Variants in DMD observed in about 807,000 individuals in gnomAD.
DMD encodes mutant dystrophin.
DMD carries 63 observed loss-of-function variants against 330.1 expected under a neutral mutation model. The ratio of observed to expected loss-of-function variants is 0.19; its 90% CI spans 0.16 to 0.24. The LOEUF is 0.24. Ranked by LOEUF, DMD falls within the 10% of genes least tolerant of loss-of-function variation. The pLI is 1.00. For synonymous variants in DMD, 1,223 were observed against 959.8 expected, an observed-to-expected ratio of 1.27 and a Z score of -5.07; for missense variants, 3,344 against 2,684.1, an observed-to-expected ratio of 1.25 and a Z score of -5.43.
chrX:33,265,598 A>C lies in DMD; in HGVS notation c.7+73661T>G, dbSNP rs73623933. Among the ~76,000 whole-genome samples, 425 of 111,620 alleles carry C rather than the reference A, an allele frequency of 3.8e-3. 3 individuals carry two copies. Among genetic ancestry groups the C allele is most frequent in the African/African-American group, 0.013 (409 of 30,832 alleles). On this transcript the variant is annotated intron_variant, in intron 1 of 17. Transcript: ENST00000288447. ...GCATCAACAAACTATATTAAATTCCAATATCCCATTCTATGATTCAGTCTT... is the reference window on the plus strand; with the variant it reads ...GCATCAACAAACTATATTAAATTCCCATATCCCATTCTATGATTCAGTCTT...
chrX:32,779,429 TTAA>T (rs2074488639), intron 7 of DMD, among the ~76,000 whole-genome samples: 1 of 110,826 alleles, frequency 9.0e-6, no homozygotes, highest in African/African-American at 3.3e-5. Flanking sequence ...TTTAAAATGT[TTAA>T]TAAATCATCT....
chrX:31,448,805 G>A (rs1405386265), intron 59 of DMD, among the ~76,000 whole-genome samples: 1 of 111,894 alleles, frequency 8.9e-6, no homozygotes, highest in Non-Finnish European at 1.9e-5. Flanking sequence ...CTCACAGGCA[G>A]AATTTTCAGT....
chrX:32,203,906 T>C (rs1444668200), intron 44 of DMD, among the ~76,000 whole-genome samples: 1 of 111,835 alleles, frequency 8.9e-6, no homozygotes, highest in Non-Finnish European at 1.9e-5. Flanking sequence ...CTTCTTTTAA[T>C]ACACTATGGG....
chrX:33,173,411 C>G (rs910698143), intron 1 of DMD, among the ~76,000 whole-genome samples: 63 of 111,660 alleles, frequency 5.6e-4, no homozygotes, highest in African/African-American at 1.9e-3. Flanking sequence ...ATTTCCAAGT[C>G]TATGACTTGA....
At chrX:31,412,186 C>CAAAA (rs764012481) in intron 60 of DMD, among the ~76,000 whole-genome samples, 12 of 43,798 alleles carry the variant, frequency 2.7e-4, no homozygotes, top group African/African-American at 1.0e-3. Flanking sequence ...ACTCTTGTCT[C>CAAAA]AAAAAAAAAA....
intron 2 of DMD, among the ~76,000 whole-genome samples, chrX:32,943,452 G>A (rs972070436): frequency 9.0e-6 from 1 of 110,929 alleles, no homozygotes; most frequent in Non-Finnish European, 1.9e-5. Flanking sequence ...ATTACAGTCT[G>A]CTTTATTTTT....
At chrX:31,756,615 A>C (rs2089121484) in intron 51 of DMD, among the ~76,000 whole-genome samples, 1 of 112,704 alleles carries the variant, frequency 8.9e-6, no homozygotes, top group Admixed American at 9.4e-5. Flanking sequence ...AACAAGAAAA[A>C]CGCCAGTTAG....
Position 31,762,386 on chromosome X carries a change from T to C in DMD, c.7542+11574A>G, listed in dbSNP as rs187792386. Among the ~76,000 whole-genome samples the C allele has an allele frequency of 1.2e-3, 137 of 110,746 alleles. 1 individual carries two copies. Among genetic ancestry groups the C allele is most frequent in the African/African-American group, 4.3e-3 (130 of 30,440 alleles). ...GAGATCGAGACCATCCTGGCCAACA[T>C]GGTGAAACCCCGTCTCTACTAAAAA... On this transcript the variant is annotated intron_variant, in intron 51 of 78. Transcript: ENST00000357033.
chrX:31,291,754 G>C (rs1389663828), intron 62 of DMD, among the ~76,000 whole-genome samples: 1 of 111,161 alleles, frequency 9.0e-6, no homozygotes, highest in Non-Finnish European at 1.9e-5. Context: ...TTCCCTACTT[G>C]CCTTTATGAA....
intron 13 of DMD, among the ~76,000 whole-genome samples, chrX:32,592,058 G>A (rs984001079): frequency 8.9e-6 from 1 of 111,951 alleles, no homozygotes; most frequent in Non-Finnish European, 1.9e-5. Context: ...GACTGAGGAT[G>A]GTTCGGTGTG....
intron 48 of DMD, among the ~76,000 whole-genome samples, chrX:31,850,745 G>C (rs1334899597): frequency 1.8e-5 from 2 of 112,714 alleles, no homozygotes; most frequent in Non-Finnish European, 3.7e-5. Flanking sequence ...AGACACATGA[G>C]TGAGTAATAA....
chrX:32,550,618 G>A (rs1417778307), intron 16 of DMD, among the ~76,000 whole-genome samples: 1 of 110,011 alleles, frequency 9.1e-6, no homozygotes, highest in South Asian at 3.9e-4. Flanking sequence ...TAGAAGACAG[G>A]AAATAACCAA....
At chrX:32,731,508 C>A (rs1055735529) in intron 7 of DMD, among the ~76,000 whole-genome samples, 1 of 112,578 alleles carries the variant, frequency 8.9e-6, no homozygotes, top group Non-Finnish European at 1.9e-5. Context: ...ATTTAAATAT[C>A]CCTGTCTGAC....
intron 44 of DMD, among the ~76,000 whole-genome samples, chrX:32,131,066 T>C (rs1443778436): frequency 9.1e-6 from 1 of 110,401 alleles, no homozygotes; most frequent in Non-Finnish European, 1.9e-5. Flanking sequence ...ATGCCTGTAA[T>C]CCCAGCTACT....
chrX:31,919,191 C>G (rs2078412665), intron 47 of DMD, among the ~76,000 whole-genome samples: 1 of 111,694 alleles, frequency 9.0e-6, no homozygotes, highest in Admixed American at 9.5e-5. Context: ...ATAAAGCAAC[C>G]TCTAGGAGAT....
intron 57 of DMD, among the ~76,000 whole-genome samples, chrX:31,485,155 T>C (rs57007006): frequency 0.096 from 10,712 of 112,016 alleles, 414 homozygotes; most frequent in East Asian, 0.19. Context: ...CTGAAAGTAA[T>C]AGAGAAGAAC....
In DMD at chrX:32,698,093, C is replaced by T. The variant is rs1022938285; in HGVS notation, c.832-95G>A. On this transcript the variant is annotated intron_variant, in intron 8 of 78. Transcript: ENST00000357033. ...CTTTCCAACATGGTAGAAAACAGAACATTAAATGGAAATGGTGAGATTCAA... is the reference window on the plus strand; with the variant it reads ...CTTTCCAACATGGTAGAAAACAGAATATTAAATGGAAATGGTGAGATTCAA... The T allele has an allele frequency of 1.9e-5, 18 of 926,932 alleles. No homozygotes were observed. The Admixed American group carries it at 3.7e-4, about 19-fold the overall frequency. 76.4% of individuals were successfully genotyped at this position (926,932 alleles called of 1,213,427 possible).
intron 1 of DMD, among the ~76,000 whole-genome samples, chrX:33,150,735 T>C (rs2048248264): frequency 9.1e-6 from 1 of 109,471 alleles, no homozygotes; most frequent in African/African-American, 3.3e-5. Flanking sequence ...TCAGTGCAAC[T>C]CATCATAACA....
chrX:32,794,671 C>T, intron 7 of DMD, among the ~76,000 whole-genome samples: 1 of 112,012 alleles, frequency 8.9e-6, no homozygotes, highest in Admixed American at 9.4e-5. Context: ...ACTGGAGGTC[C>T]TAGCCAGAGC....
Sources: gnomAD v4.1 joint callset for allele counts (sites outside exome capture counted in the v4.1 genomes callset) on GRCh38, gnomAD v4.1.1 for gene constraint, MANE v1.5 for transcripts, NCBI Gene and HGNC (gene_info 2026-07-23, HGNC 2026-07-21) for gene names.